Variants in LLGL2 observed in about 807,000 individuals in gnomAD.
LLGL2 encodes the protein LLGL scribble cell polarity complex component 2.
Under a neutral mutation model 123.2 loss-of-function variants are expected in LLGL2, and 81 were observed. The observed-to-expected ratio is 0.66, with a 90% CI of 0.55 to 0.79. LLGL2 has a LOEUF of 0.79. Ranked by LOEUF, LLGL2 falls within the 30% of genes least tolerant of loss-of-function variation. LLGL2 has a pLI of 0.00. For synonymous variants in LLGL2, 577 were observed against 594.1 expected (o/e 0.97, Z 0.42); for missense variants, 1,273 against 1,414.6 (o/e 0.90, Z 1.61).
At chr17:75,533,454 G>A (rs550402005) in intron 1 of LLGL2, among the ~76,000 whole-genome samples, 27 of 151,558 alleles carry the variant, frequency 1.8e-4, no homozygotes, top group Admixed American at 1.1e-3. Context: ...ACAGGCGCCC[G>A]CCATGATGCC....
At position 75,564,458 on chromosome 17, in the gene LLGL2, C is replaced by T. The variant is rs2055358531; in HGVS notation, c.987C>T (p.Thr329=). 2 of 1,613,540 alleles carry T rather than the reference C, an allele frequency of 1.2e-6. No homozygotes were observed. The highest frequency in any genetic ancestry group is 2.2e-5 in the East Asian group (1 of 44,886). Residue 329 remains threonine (T), a synonymous_variant, in exon 10 of 26, where the codon ACC becomes ACT. Coordinates refer to ENST00000392550, the MANE Select transcript of LLGL2 (RefSeq NM_001031803.2). This position sits in a 1 kb window ranked among gnomAD's most constrained non-coding sequence, Gnocchi z 4.9. ...GCCAGCAGACGGCCTTCGACTTCAC[C>T]TCCCGTGTCATCGGCTTCACTGTCC... The part of the protein sequence containing the change: ...HDGQQTAFDF[T]SRVIGFTVLT...
rs1235682339 is a variant in LLGL2 at position 75,563,373 on chromosome 17, G to A, written c.736G>A (p.Val246Ile). The A allele has an allele frequency of 1.6e-5, 26 of 1,612,734 alleles. No individual in the cohort carries two copies. The highest frequency in any genetic ancestry group is 5.0e-5 in the Admixed American group (3 of 59,992). Residue 246 changes from valine (V) to isoleucine (I), a missense_variant, in exon 8 of 26, where the codon GTC becomes ATC. Physicochemically the swap from Val to Ile is conservative, Grantham distance 29. Transcript: ENST00000392550. The part of the protein sequence containing the change: ...IWWQRDGRLL[V>I]SCHSDGSYCQ... Reference sequence around the variant, plus strand: ...GTGGCAGCGGGACGGCCGCCTGCTCGTCAGCTGTCACTCTGACGGCAGCTA... The same window carrying A: ...GTGGCAGCGGGACGGCCGCCTGCTCATCAGCTGTCACTCTGACGGCAGCTA...
Position 75,570,947 on chromosome 17 carries a change from C to G in LLGL2, c.2026-3C>G. The G allele has an allele frequency of 6.2e-7, 1 of 1,604,686 alleles. No individual in the cohort carries two copies. Among genetic ancestry groups the G allele is most frequent in the Non-Finnish European group, 8.5e-7 (1 of 1,175,246 alleles). On this transcript the variant is annotated splice_polypyrimidine_tract_variant and splice_region_variant and intron_variant, in intron 16 of 25. Coordinates refer to ENST00000392550, the MANE Select transcript of LLGL2 (RefSeq NM_001031803.2). ...GACCCTTAGGCTGGCCCACCCCTTG[C>G]AGGCACAGGAGGGGAGTGCCAAGGC... is the stretch of plus-strand genomic sequence containing the variant.
Position 75,568,848 on chromosome 17 carries a change from C to A in LLGL2, c.1322+9C>A. On this transcript the variant is annotated intron_variant, in intron 12 of 25. Transcript: ENST00000392550. ...GACCTGCTGCTCACAGGGTAGGGTA[C>A]TTTGATGCTACCCCACCTCTTCCCA... 2 of 1,572,318 alleles carry A rather than the reference C, an allele frequency of 1.3e-6. No homozygotes were observed. The highest frequency in any genetic ancestry group is 1.7e-6 in the Non-Finnish European group (2 of 1,156,788).
chr17:75,535,373 G>C (rs999805829), intron 1 of LLGL2, among the ~76,000 whole-genome samples: 2 of 152,256 alleles, frequency 1.3e-5, no homozygotes, highest in African/African-American at 4.8e-5. Context: ...CTGAGAGCAG[G>C]CAGCTGGCGC....
chr17:75,567,729 C>T (rs1218360011), intron 10 of LLGL2, among the ~76,000 whole-genome samples: 1 of 151,788 alleles, frequency 6.6e-6, no homozygotes, highest in Non-Finnish European at 1.5e-5. Flanking sequence ...ATCACTTGAG[C>T]CCAGGAGTTC....
At chr17:75,531,963 C>A (rs1016338644) in intron 1 of LLGL2, among the ~76,000 whole-genome samples, 1 of 151,422 alleles carries the variant, frequency 6.6e-6, no homozygotes, top group African/African-American at 2.4e-5. Context: ...AGCCTTCTCT[C>A]GAGACACCTG....
At chr17:75,565,203 G>A (rs2055392634) in intron 10 of LLGL2, among the ~76,000 whole-genome samples, 2 of 152,230 alleles carry the variant, frequency 1.3e-5, no homozygotes, top group Admixed American at 1.3e-4. Flanking sequence ...GCCTCCTGGA[G>A]CTCCAGCAGG....
chr17:75,539,273 C>G (rs1170657937), intron 1 of LLGL2, among the ~76,000 whole-genome samples: 1 of 152,154 alleles, frequency 6.6e-6, no homozygotes, highest in African/African-American at 2.4e-5. Flanking sequence ...GTTGCCCTGG[C>G]TGGTCTTGAA....
rs184430209 is a variant in LLGL2, at chr17:75,559,668, G to A, written c.530+258G>A. On this transcript the variant is annotated intron_variant, in intron 6 of 25. Transcript: ENST00000392550. This position sits in a 1 kb window ranked among gnomAD's most constrained non-coding sequence, Gnocchi z 4.6. The stretch of plus-strand genomic sequence containing the variant: ...CCCCAAATGACTGTGTAATGTCACC[G>A]ACTGTCAGTCCAGTGTCCTTTGCAC... Among the ~76,000 whole-genome samples, 14 of 152,324 alleles carry A rather than the reference G, an allele frequency of 9.2e-5. No homozygotes were observed. Among genetic ancestry groups the A allele is most frequent in the African/African-American group, 2.9e-4 (12 of 41,580 alleles).
chr17:75,544,203 G>A lies in LLGL2; in HGVS notation c.75+702G>A, dbSNP rs2054324252. 6.6e-6 allele frequency among the ~76,000 whole-genome samples: 1 copy of A among 152,236 alleles called. No individual in the cohort carries two copies. The highest frequency in any genetic ancestry group is 1.5e-5 in the Non-Finnish European group (1 of 68,050). ...TCTTCAGCTCCCGGGCCACCAAGCA[G>A]TGTGGGGCCTTGTGAGGTAATGATC... On this transcript the variant is annotated intron_variant, in intron 2 of 25. Transcript: ENST00000392550. This position sits in a 1 kb window ranked among gnomAD's most constrained non-coding sequence, Gnocchi z 4.2.
At chr17:75,535,415 G>A (rs921741388) in intron 1 of LLGL2, among the ~76,000 whole-genome samples, 3 of 152,192 alleles carry the variant, frequency 2.0e-5, no homozygotes, top group East Asian at 1.9e-4. Context: ...CTCTGGTTTC[G>A]GCTGGGTCTG....
At chr17:75,554,320 A>AC (rs61400258) in intron 2 of LLGL2, among the ~76,000 whole-genome samples, 6 of 145,874 alleles carry the variant, frequency 4.1e-5, no homozygotes, top group African/African-American at 1.5e-4. Context: ...AAAAAAAAAA[A>AC]GCCATTTTAG....
At chr17:75,560,773 A>G (rs1238206064) in intron 6 of LLGL2, among the ~76,000 whole-genome samples, 1 of 143,770 alleles carries the variant, frequency 7.0e-6, no homozygotes, top group Non-Finnish European at 1.5e-5. Flanking sequence ...GGCATGAGCC[A>G]CAGCGCCTGG....
chr17:75,535,635 G>T (rs1475907514), intron 1 of LLGL2, among the ~76,000 whole-genome samples: 4 of 152,236 alleles, frequency 2.6e-5, no homozygotes, highest in African/African-American at 9.6e-5. Context: ...CTGGCCTGGG[G>T]ATCCCCTCTC....
rs1016520989 is a variant in LLGL2, at chr17:75,563,103, C to T, written c.618C>T (p.Ile206=). The T allele has an allele frequency of 9.3e-6, 15 of 1,613,060 alleles. No homozygotes were observed. The highest frequency in any genetic ancestry group is 5.5e-5 in the South Asian group (5 of 91,090). ...CTCGAGACCCCAACCAGATCCTGAT[C>T]GGCTACAGCCGAGGCCTCGTTGTCA... ...EHPRDPNQIL[I]GYSRGLVVIW... is the part of the protein sequence containing the mutation. Residue 206 remains isoleucine, a synonymous_variant, in exon 7 of 26, where the codon ATC becomes ATT. Transcript: ENST00000392550.
rs746020983 is a variant in LLGL2 at position 75,572,053 on chromosome 17, G to A, written c.2449G>A (p.Glu817Lys). The A allele has an allele frequency of 6.2e-7, 1 of 1,611,328 alleles. No homozygotes were observed. The highest frequency in any genetic ancestry group is 8.5e-7 in the Non-Finnish European group (1 of 1,179,948). Residue 817 changes from glutamate (E) to lysine (K), a missense_variant, in exon 19 of 26, where the codon GAG becomes AAG. Physicochemically the swap from Glu to Lys is moderately conservative, Grantham distance 56 (BLOSUM62 1). Coordinates refer to ENST00000392550, the MANE Select transcript of LLGL2 (RefSeq NM_001031803.2). ...CCACCAGCTGCTCGTCGTATCAGAG[G>A]AGCAGTTCAAGGTGCCACACGGGCA... ...GSHQLLVVSE[E>K]QFKVFTLPKV... is the part of the protein sequence containing the mutation.
intron 10 of LLGL2, among the ~76,000 whole-genome samples, chr17:75,565,517 C>T (rs1317443229): frequency 6.6e-6 from 1 of 152,218 alleles, no homozygotes; most frequent in East Asian, 1.9e-4. Context: ...CCCAGCTCTG[C>T]TCTTTCCACA....
intron 22 of LLGL2, 27 bp downstream of exon 22, chr17:75,574,007 A>T (rs1252103908): frequency 2.6e-6 from 4 of 1,550,444 alleles, no homozygotes; most frequent in Non-Finnish European, 3.5e-6. Context: ...GGGCTCATGC[A>T]CACCTGGGCC....
Sources: gnomAD v4.1 joint callset for allele counts (sites outside exome capture counted in the v4.1 genomes callset) on GRCh38, gnomAD v4.1.1 for gene constraint, Gnocchi (gnomAD v3.1) non-coding constraint, MANE v1.5 for transcripts, NCBI Gene and HGNC (gene_info 2026-07-23, HGNC 2026-07-21) for gene names.